CRPPA: variants seen among roughly 807,000 people sequenced by gnomAD.
CRPPA encodes the protein D-ribitol-5-phosphate cytidylyltransferase.
In CRPPA, 43 loss-of-function variants were observed where a neutral mutation model predicts 52.0. The observed-to-expected ratio is 0.83, with a 90% CI of 0.65 to 1.07. CRPPA has a LOEUF of 1.07. Ranked by LOEUF, CRPPA falls within the 50% of genes least tolerant of loss-of-function variation. CRPPA has a pLI of 0.00. For synonymous variants in CRPPA, 250 were observed against 203.5 expected, an observed-to-expected ratio of 1.23 and a Z score of -1.94; for missense variants, 629 against 551.7, an observed-to-expected ratio of 1.14 and a Z score of -1.40.
intron 2 of CRPPA, among the ~76,000 whole-genome samples, chr7:16,379,465 C>T (rs955271138): frequency 2.6e-5 from 4 of 152,136 alleles, no homozygotes; most frequent in Non-Finnish European, 5.9e-5. Context: ...ATTGACTTGG[C>T]AATGTGGGCT....
At chr7:16,148,382 C>G (rs1427495446) in intron 9 of CRPPA, among the ~76,000 whole-genome samples, 1 of 152,060 alleles carries the variant, frequency 6.6e-6, no homozygotes, top group African/African-American at 2.4e-5. Flanking sequence ...GTGGAAATAA[C>G]CTAAATGTCC....
At chr7:16,144,872 A>C (rs1272500203) in intron 9 of CRPPA, among the ~76,000 whole-genome samples, 1 of 152,142 alleles carries the variant, frequency 6.6e-6, no homozygotes, top group Non-Finnish European at 1.5e-5. Flanking sequence ...TACCTGTGTC[A>C]GTGTACTTCT....
At chr7:16,172,704 A>T (rs1781215165) in intron 9 of CRPPA, among the ~76,000 whole-genome samples, 1 of 152,212 alleles carries the variant, frequency 6.6e-6, no homozygotes, top group Admixed American at 6.5e-5. Context: ...TAGAATAGGC[A>T]TGTAGGTAAT....
intron 4 of CRPPA, among the ~76,000 whole-genome samples, chr7:16,302,092 C>G (rs933409879): frequency 1.3e-5 from 2 of 151,974 alleles, no homozygotes; most frequent in African/African-American, 4.8e-5. Context: ...GTCAGGAGAT[C>G]GAGACCATCT....
At chr7:16,201,992 GTTAGATTTAGA>G (rs777403697) in intron 9 of CRPPA, among the ~76,000 whole-genome samples, 3 of 152,112 alleles carry the variant, frequency 2.0e-5, no homozygotes, top group Admixed American at 6.6e-5. Flanking sequence ...TAAGTTTGAT[GTTAGATTTAGA>G]TTTTTGGTGT....
chr7:16,219,904 A>G (rs1282382621), intron 8 of CRPPA, among the ~76,000 whole-genome samples: 2 of 149,150 alleles, frequency 1.3e-5, no homozygotes, highest in African/African-American at 4.9e-5. Flanking sequence ...AACTATTCCA[A>G]TCAACAGAAA....
At chr7:16,329,019 T>A (rs1250800860) in intron 3 of CRPPA, among the ~76,000 whole-genome samples, 1 of 152,180 alleles carries the variant, frequency 6.6e-6, no homozygotes, top group African/African-American at 2.4e-5. Flanking sequence ...AGTAACATAC[T>A]ATAAGTCCAC....
At chr7:16,387,084 T>C (rs1277444191) in intron 2 of CRPPA, among the ~76,000 whole-genome samples, 159 of 35,394 alleles carry the variant, frequency 4.5e-3, no homozygotes, top group East Asian at 0.017. Flanking sequence ...TATATATATA[T>C]ATACACACAT....
intron 5 of CRPPA, among the ~76,000 whole-genome samples, chr7:16,281,724 T>C (rs1784324797): frequency 6.6e-6 from 1 of 152,166 alleles, no homozygotes; most frequent in South Asian, 2.1e-4. Context: ...GCCAACTGCT[T>C]CTTTGTGGGA....
intron 3 of CRPPA, among the ~76,000 whole-genome samples, chr7:16,336,687 G>T (rs1339130767): frequency 6.6e-6 from 1 of 151,560 alleles, no homozygotes; most frequent in African/African-American, 2.4e-5. Context: ...CCAACTAAAA[G>T]GCAAAAGTGG....
chr7:16,281,111 C>G (rs1583489445), intron 5 of CRPPA, among the ~76,000 whole-genome samples: 1 of 152,126 alleles, frequency 6.6e-6, no homozygotes, highest in Non-Finnish European at 1.5e-5. Flanking sequence ...TCCTTCATTG[C>G]CACATAAATT....
In CRPPA at chr7:16,421,202, C is replaced by A; in HGVS notation, c.121G>T (p.Gly41Trp). 1 of 1,342,050 alleles carries A rather than the reference C, an allele frequency of 7.5e-7. No individual in the cohort carries two copies. Among genetic ancestry groups the A allele is most frequent in the Non-Finnish European group, 9.6e-7 (1 of 1,040,812 alleles). 83.1% of individuals were successfully genotyped at this position (1,342,050 alleles called of 1,614,324 possible). Residue 41 changes from glycine (G) to tryptophan (W), a missense_variant, in exon 1 of 10, where the codon GGG becomes TGG. Coordinates refer to ENST00000407010, the MANE Select transcript of CRPPA (RefSeq NM_001101426.4). ...SLQSVAGTEP[G>W]RHPQAVAAVL... ...GCTGCCACGGCTTGCGGGTGGCGCC[C>A]GGGCTCGGTCCCGGCCACGCTCTGC...
intron 3 of CRPPA, among the ~76,000 whole-genome samples, chr7:16,316,682 C>T (rs906362615): frequency 6.6e-6 from 1 of 151,858 alleles, no homozygotes; most frequent in Non-Finnish European, 1.5e-5. Flanking sequence ...GGCAACAAAG[C>T]GATTCTCTAC....
At chr7:16,328,252 G>A (rs752437534) in intron 3 of CRPPA, among the ~76,000 whole-genome samples, 41 of 151,918 alleles carry the variant, frequency 2.7e-4, no homozygotes, top group Non-Finnish European at 5.9e-5. Flanking sequence ...TGAAAAAGTC[G>A]AGAATCTTGC....
intron 9 of CRPPA, among the ~76,000 whole-genome samples, chr7:16,153,700 T>C (rs1470532919): frequency 6.6e-6 from 1 of 152,086 alleles, no homozygotes; most frequent in Admixed American, 6.6e-5. Flanking sequence ...TAACTTAATA[T>C]CTCAAATAAT....
chr7:16,307,035 G>A (rs1784927670), intron 4 of CRPPA, among the ~76,000 whole-genome samples: 1 of 152,102 alleles, frequency 6.6e-6, no homozygotes, highest in Non-Finnish European at 1.5e-5. Flanking sequence ...TCATGTTACT[G>A]TGCAAAATAA....
intron 3 of CRPPA, among the ~76,000 whole-genome samples, chr7:16,328,763 C>T (rs13233751): frequency 0.16 from 25,069 of 152,092 alleles, 2,548 homozygotes; most frequent in South Asian, 0.42. Context: ...GATCCACCCG[C>T]CTCAGCCTCC....
chr7:16,182,481 AGGT>A (rs1480427696), intron 9 of CRPPA, among the ~76,000 whole-genome samples: 1 of 152,140 alleles, frequency 6.6e-6, no homozygotes, highest in Non-Finnish European at 1.5e-5. Context: ...ATTGTTACAA[AGGT>A]GCTTTATATC....
At chr7:16,180,642 G>A (rs1221107472) in intron 9 of CRPPA, among the ~76,000 whole-genome samples, 6 of 151,874 alleles carry the variant, frequency 4.0e-5, no homozygotes, top group Non-Finnish European at 5.9e-5. Context: ...ATTTTATTCT[G>A]GAATTGACTG....
Sources: gnomAD v4.1 joint callset for allele counts (sites outside exome capture counted in the v4.1 genomes callset) on GRCh38, gnomAD v4.1.1 for gene constraint, MANE v1.5 for transcripts, NCBI Gene and HGNC (gene_info 2026-07-23, HGNC 2026-07-21) for gene names.